NBEAL1: variants seen among roughly 807,000 people sequenced by gnomAD.
NBEAL1 encodes neurobeachin-like protein 1.
Under a neutral mutation model 351.3 loss-of-function variants are expected in NBEAL1, and 273 were observed. The ratio of observed to expected loss-of-function variants is 0.78; its 90% CI spans 0.70 to 0.86. NBEAL1 has a LOEUF of 0.86. Ranked by LOEUF, NBEAL1 falls within the 40% of genes least tolerant of loss-of-function variation. The pLI, the probability that NBEAL1 is intolerant of heterozygous loss-of-function variation, is 0.00. For synonymous variants in NBEAL1, 1,050 were observed against 1,086.4 expected (o/e 0.97, Z 0.66); for missense variants, 2,961 against 3,201.3 (o/e 0.92, Z 1.81).
chr2:203,129,156 A>G (rs995358580), intron 24 of NBEAL1, among the ~76,000 whole-genome samples: 2 of 152,300 alleles, frequency 1.3e-5, no homozygotes, highest in Non-Finnish European at 2.9e-5. Context: ...CTGCTATAAC[A>G]TATACAGACC....
intron 20 of NBEAL1, 74 bp from the exon 21 acceptor site, chr2:203,125,886 C>A: frequency 8.2e-7 from 1 of 1,216,264 alleles, no homozygotes; most frequent in Non-Finnish European, 1.1e-6. Context: ...TAACAGTGTG[C>A]ATTAAGATAT....
At chr2:203,199,533 C>T (rs2065334719) in intron 49 of NBEAL1, 86 bp downstream of exon 49, 3 of 630,852 alleles carry the variant, frequency 4.8e-6, no homozygotes, top group Non-Finnish European at 2.7e-6. Flanking sequence ...TTCATTTATT[C>T]TGAAAGAAAT....
intron 19 of NBEAL1, among the ~76,000 whole-genome samples, chr2:203,123,604 G>C (rs1173957669): frequency 6.6e-6 from 1 of 152,038 alleles, no homozygotes; most frequent in Non-Finnish European, 1.5e-5. Context: ...AAAGTGCTGG[G>C]ATTACAGGCG....
At chr2:203,083,976 C>CTGTGTGTGTGTGTGTG (rs59252809) in intron 9 of NBEAL1, among the ~76,000 whole-genome samples, 36 of 134,198 alleles carry the variant, frequency 2.7e-4, no homozygotes, top group African/African-American at 5.7e-4. Flanking sequence ...TCCTCAGAGC[C>CTGTGTGTGTGTGTGTG]TGTGTGTGTG....
chr2:203,181,665 C>CA, intron 43 of NBEAL1: 1 of 152,260 alleles, frequency 6.6e-6, no homozygotes. Context: ...TTTGACCCTT[C>CA]ATTTATTCAG....
At chr2:203,189,417 G>T (rs2065002524) in intron 45 of NBEAL1, among the ~76,000 whole-genome samples, 1 of 152,070 alleles carries the variant, frequency 6.6e-6, no homozygotes, top group African/African-American at 2.4e-5. Context: ...ACTGGGTCTT[G>T]CTCTGTCACC....
At chr2:203,032,660 C>CTTTTT (rs747309074) in intron 2 of NBEAL1, among the ~76,000 whole-genome samples, 16 of 70,158 alleles carry the variant, frequency 2.3e-4, no homozygotes, top group Non-Finnish European at 2.7e-4. Flanking sequence ...GAAATTGTAG[C>CTTTTT]TTTTTTTTTT....
chr2:203,030,274 GA>G (rs2060929714), intron 2 of NBEAL1, among the ~76,000 whole-genome samples: 1 of 152,146 alleles, frequency 6.6e-6, no homozygotes, highest in Non-Finnish European at 1.5e-5. Flanking sequence ...AAGACATCAT[GA>G]AACCAAATCT....
chr2:203,108,966 C>T (rs2062501770), intron 14 of NBEAL1, among the ~76,000 whole-genome samples: 1 of 151,852 alleles, frequency 6.6e-6, no homozygotes, highest in South Asian at 2.1e-4. Context: ...CACTTCAGCT[C>T]AGGAAGTTGA....
chr2:203,078,402 C>T (rs907348114), intron 8 of NBEAL1, among the ~76,000 whole-genome samples: 6 of 151,970 alleles, frequency 3.9e-5, no homozygotes, highest in Admixed American at 6.6e-5. Context: ...TGCAGAAGTG[C>T]GACTATTGGC....
In NBEAL1 at chr2:203,113,117, C is replaced by T. The variant is rs369275951; in HGVS notation, c.2305C>T (p.Arg769Trp). The change falls in exon 17 of 56, where the codon CGG becomes TGG. Residue 769 changes from arginine to tryptophan, a missense_variant. Arg to Trp is a moderately radical substitution (Grantham distance 101). Transcript: ENST00000683969. ...PPFSSPITPH[R>W]TSFGGILSSA... ...TTTCTCTTCTCCCATTACCCCTCATCGGACATCATTTGGTGGAATTCTGTC... is the reference window on the plus strand; with the variant it reads ...TTTCTCTTCTCCCATTACCCCTCATTGGACATCATTTGGTGGAATTCTGTC... The T allele has an allele frequency of 9.7e-6, 15 of 1,553,040 alleles. No individual in the cohort carries two copies. The highest frequency in any genetic ancestry group is 1.1e-5 in the Non-Finnish European group (13 of 1,147,332).
In NBEAL1 at chr2:203,157,796, T is replaced by C; in HGVS notation, c.5685T>C (p.Pro1895=). ...SDMVEDKLDL[P]EEDITARVNV... is the part of the protein sequence containing the mutation. ...TGGTGGAGGATAAATTAGACCTTCC[T>C]GAAGAGGATATAACAGCTAGAGTAA... Residue 1895 remains proline, a synonymous_variant, in exon 36 of 56, where the codon CCT becomes CCC. Coordinates refer to ENST00000683969, the MANE Select transcript of NBEAL1 (RefSeq NM_001378026.1). 6.3e-7 allele frequency: 1 copy of C among 1,587,282 alleles called. No homozygotes were observed.
At chr2:203,125,885 G>C in intron 20 of NBEAL1, 75 bp from the exon 21 acceptor site, 1 of 1,207,750 alleles carries the variant, frequency 8.3e-7, no homozygotes, top group South Asian at 1.7e-5. Flanking sequence ...GTAACAGTGT[G>C]CATTAAGATA....
chr2:203,174,718 C>T (rs2064438532), intron 41 of NBEAL1, among the ~76,000 whole-genome samples: 1 of 151,868 alleles, frequency 6.6e-6, no homozygotes, highest in South Asian at 2.1e-4. Flanking sequence ...TGGTGAAACC[C>T]TGTCTCTACT....
intron 17 of NBEAL1, among the ~76,000 whole-genome samples, chr2:203,115,456 G>A (rs1475046227): frequency 3.9e-5 from 6 of 151,918 alleles, no homozygotes; most frequent in Admixed American, 2.6e-4. Context: ...TTGTTTTTGA[G>A]ACAATATCTC....
chr2:203,113,353 TAG>T (rs757625718), intron 17 of NBEAL1, 35 bp downstream of exon 17: 5 of 1,242,542 alleles, frequency 4.0e-6, no homozygotes, highest in Non-Finnish European at 4.1e-6. Context: ...TAAGCAAATT[TAG>T]AGTTTTTTTT....
intron 33 of NBEAL1, among the ~76,000 whole-genome samples, chr2:203,148,748 G>A (rs559047381): frequency 1.3e-4 from 20 of 151,314 alleles, no homozygotes; most frequent in Non-Finnish European, 3.0e-4. Context: ...AGTTCTTCAC[G>A]TGTTTATTGT....
intron 38 of NBEAL1, among the ~76,000 whole-genome samples, chr2:203,167,561 A>G (rs577077063): frequency 1.3e-5 from 2 of 152,272 alleles, no homozygotes; most frequent in Non-Finnish European, 2.9e-5. Context: ...CTCAGTTTTT[A>G]TATATATGGC....
chr2:203,118,622 C>T (rs1041274626), intron 18 of NBEAL1, among the ~76,000 whole-genome samples: 2 of 147,300 alleles, frequency 1.4e-5, no homozygotes, highest in East Asian at 3.9e-4. Context: ...GATGGAGTCT[C>T]GCTCTCTCAC....
Sources: allele counts gnomAD v4.1 joint callset (sites outside exome capture counted in the v4.1 genomes callset), GRCh38; gene constraint gnomAD v4.1.1; transcripts MANE v1.5; gene names NCBI Gene and HGNC (gene_info 2026-07-23, HGNC 2026-07-21).